The following PTPRQ variants were observed in gnomAD, a reference collection of about 807,000 sequenced individuals.
The protein encoded by PTPRQ is protein tyrosine phosphatase receptor type Q.
In PTPRQ, 199 loss-of-function variants were observed where a neutral mutation model predicts 246.0. The observed-to-expected ratio is 0.81, with a 90% CI of 0.72 to 0.91. The LOEUF (loss-of-function observed/expected upper bound fraction) is 0.91. Ranked by LOEUF, PTPRQ falls within the 40% of genes least tolerant of loss-of-function variation. The probability of loss-of-function intolerance (pLI) is 0.00; values close to 1 mark genes in which losing one functional copy is unlikely to be tolerated. For missense variants in PTPRQ, 2,624 were observed against 2,528.4 expected, an observed-to-expected ratio of 1.04 and a Z score of -0.81; for synonymous variants, 869 against 853.2, an observed-to-expected ratio of 1.02 and a Z score of -0.32.
chr12:80,616,068 C>T (rs1191090449), intron 29 of PTPRQ, 132 bp from the exon 30 acceptor site: 1 of 462,370 alleles, frequency 2.2e-6, no homozygotes. Context: ...TACATGTAAC[C>T]ATAATCAGTT....
At chr12:80,558,132 T>TCTTTTCTTTC (rs1491123408) in intron 25 of PTPRQ, among the ~76,000 whole-genome samples, 1 of 124,126 alleles carries the variant, frequency 8.1e-6, no homozygotes, top group Non-Finnish European at 1.6e-5. Context: ...TCTTTTCTTT[T>TCTTTTCTTTC]CTTTTCTTTT....
intron 27 of PTPRQ, among the ~76,000 whole-genome samples, chr12:80,608,254 A>T (rs1565815818): frequency 6.6e-6 from 1 of 150,666 alleles, no homozygotes; most frequent in African/African-American, 2.4e-5. Context: ...ATAACAATAG[A>T]TTATCAAGTA....
chr12:80,675,731 T>G (rs1315137623), intron 43 of PTPRQ, among the ~76,000 whole-genome samples: 1 of 152,206 alleles, frequency 6.6e-6, no homozygotes, highest in Non-Finnish European at 1.5e-5. Flanking sequence ...ACTTCATACA[T>G]TATTCTGTTT....
chr12:80,675,601 C>G (rs973507752), intron 43 of PTPRQ, among the ~76,000 whole-genome samples: 2 of 152,100 alleles, frequency 1.3e-5, no homozygotes, highest in Non-Finnish European at 2.9e-5. Context: ...AATCTTCAAA[C>G]AGTAAAAGCT....
At chr12:80,497,391 A>G (rs889158623) in intron 14 of PTPRQ, among the ~76,000 whole-genome samples, 1 of 152,042 alleles carries the variant, frequency 6.6e-6, no homozygotes, top group Non-Finnish European at 1.5e-5. Flanking sequence ...TCTAATGTCG[A>G]CACTGATCTG....
intron 10 of PTPRQ, 106 bp downstream of exon 10, chr12:80,493,561 G>A: frequency 7.3e-7 from 1 of 1,374,766 alleles, no homozygotes; most frequent in South Asian, 1.9e-5. Flanking sequence ...AATGGTCTTT[G>A]GGCTGGAGTC....
At chr12:80,577,303 A>C (rs1039975942) in intron 25 of PTPRQ, among the ~76,000 whole-genome samples, 2 of 152,196 alleles carry the variant, frequency 1.3e-5, no homozygotes, top group Non-Finnish European at 2.9e-5. Context: ...CAAAAAGGGA[A>C]CCAAACACCT....
intron 23 of PTPRQ, among the ~76,000 whole-genome samples, chr12:80,543,337 A>ATTTTTTT (rs11434400): frequency 1.3e-5 from 2 of 149,066 alleles, no homozygotes; most frequent in Non-Finnish European, 3.0e-5. Flanking sequence ...ATATATCCTT[A>ATTTTTTT]TTTTTTTTTT....
chr12:80,516,194 C>G (rs948689056), intron 17 of PTPRQ, among the ~76,000 whole-genome samples: 10 of 152,138 alleles, frequency 6.6e-5, no homozygotes, highest in Non-Finnish European at 1.2e-4. Flanking sequence ...TATTTATTTA[C>G]TATTTTCTTG....
intron 20 of PTPRQ, among the ~76,000 whole-genome samples, chr12:80,541,081 C>G (rs1896136654): frequency 6.6e-6 from 1 of 151,982 alleles, no homozygotes; most frequent in Non-Finnish European, 1.5e-5. Context: ...CTTGGGAAAG[C>G]TTTTAGTATT....
At chr12:80,569,778 T>A (rs1429032895) in intron 25 of PTPRQ, among the ~76,000 whole-genome samples, 2 of 130,394 alleles carry the variant, frequency 1.5e-5, no homozygotes, top group East Asian at 2.3e-4. Context: ...GATATTCCCC[T>A]CCTTGTGTCC....
intron 24 of PTPRQ, among the ~76,000 whole-genome samples, chr12:80,547,298 A>T (rs561016744): frequency 6.6e-6 from 1 of 152,272 alleles, no homozygotes; most frequent in Admixed American, 6.5e-5. Context: ...GACCTATTTA[A>T]TGATGGCTTA....
chr12:80,634,919 C>T lies in PTPRQ; in HGVS notation c.5787-26C>T, dbSNP rs764581361. On this transcript the variant is annotated intron_variant, in intron 34 of 44. Transcript: ENST00000644991. ...TATATACTTTGTGTGAAACTCCCTT[C>T]TTGGACTTTACTCCGCTTGTTTTAG... 11 of 1,546,494 alleles carry T rather than the reference C, an allele frequency of 7.1e-6. No homozygotes were observed. In the South Asian group the frequency reaches 1.3e-4, roughly 19 times the overall value.
At chr12:80,471,002 A>G (rs1893606856) in intron 7 of PTPRQ, among the ~76,000 whole-genome samples, 2 of 152,234 alleles carry the variant, frequency 1.3e-5, no homozygotes, top group Non-Finnish European at 2.9e-5. Flanking sequence ...GTCTCAGGAT[A>G]TTAAAATCAG....
In PTPRQ at chr12:80,587,946, A is replaced by C. The variant is rs1162568354; in HGVS notation, c.4286-183A>C. ...ATTATTTTGTCCTCTACCCTTTTAA[A>C]ATGATGGTCCCGGAAGCATCACTCT... On this transcript the variant is annotated intron_variant, in intron 25 of 44. Coordinates refer to ENST00000644991, the MANE Select transcript of PTPRQ (RefSeq NM_001145026.2). Among the ~76,000 whole-genome samples, 6 of 152,156 alleles carry C rather than the reference A, an allele frequency of 3.9e-5. No homozygotes were observed. In the East Asian group the frequency reaches 1.2e-3, roughly 29 times the overall value.
At chr12:80,483,369 C>A (rs1276486628) in intron 8 of PTPRQ, among the ~76,000 whole-genome samples, 24 of 115,212 alleles carry the variant, frequency 2.1e-4, no homozygotes, top group Admixed American at 3.2e-4. Context: ...CACTCTGGGG[C>A]CTGTTGTGGG....
chr12:80,529,467 C>T (rs1895782497), intron 17 of PTPRQ, among the ~76,000 whole-genome samples: 1 of 152,034 alleles, frequency 6.6e-6, no homozygotes, highest in South Asian at 2.1e-4. Flanking sequence ...GGGTCTCAAA[C>T]CTTGTCTAGA....
chr12:80,521,356 C>A (rs1447147172), intron 17 of PTPRQ, among the ~76,000 whole-genome samples: 1 of 152,096 alleles, frequency 6.6e-6, no homozygotes, highest in African/African-American at 2.4e-5. Context: ...TGCAGAAGCT[C>A]TTTAGTTTAA....
At chr12:80,629,326 G>A (rs541371502) in intron 33 of PTPRQ, among the ~76,000 whole-genome samples, 2 of 152,128 alleles carry the variant, frequency 1.3e-5, no homozygotes, top group Non-Finnish European at 2.9e-5. Flanking sequence ...TGGGGATTAG[G>A]GCTTCAACAT....
Sources: gnomAD v4.1 joint callset for allele counts (sites outside exome capture counted in the v4.1 genomes callset) on GRCh38, gnomAD v4.1.1 for gene constraint, MANE v1.5 for transcripts, NCBI Gene and HGNC (gene_info 2026-07-23, HGNC 2026-07-21) for gene names.